Variants in HACE1 observed in about 807,000 individuals in gnomAD.
The protein encoded by HACE1 is E3 ubiquitin-protein ligase HACE1.
Under a neutral mutation model 118.4 loss-of-function variants are expected in HACE1, and 73 were observed. The observed-to-expected ratio is 0.62, with a 90% CI of 0.51 to 0.75. The LOEUF is 0.75. HACE1 is among the 30% of genes least tolerant of loss of function. The probability of loss-of-function intolerance (pLI) is 0.00; values close to 1 mark genes in which losing one functional copy is unlikely to be tolerated. For synonymous variants in HACE1, 368 were observed against 374.8 expected (o/e 0.98, Z 0.21); for missense variants, 749 against 1,102.2 (o/e 0.68, Z 4.54).
At chr6:104,802,964 T>C (rs925867386) in intron 7 of HACE1, among the ~76,000 whole-genome samples, 1 of 152,136 alleles carries the variant, frequency 6.6e-6, no homozygotes, top group African/African-American at 2.4e-5. Context: ...GCTACACTGC[T>C]AGCAAGACTA....
chr6:104,820,885 A>G (rs1196153881), intron 6 of HACE1, among the ~76,000 whole-genome samples: 1 of 152,222 alleles, frequency 6.6e-6, no homozygotes, highest in Admixed American at 6.5e-5. Flanking sequence ...AGATACATGC[A>G]CACATATGTT....
At position 104,776,820 on chromosome 6, in the gene HACE1, A is replaced by C. The variant is rs760888256; in HGVS notation, c.1785T>G (p.Gly595=). Reference sequence around the variant, plus strand: ...GAATATCAAACCACTCACGCACAACACCTTGACCCTGAATTCAAGAAATAA... The same window carrying C: ...GAATATCAAACCACTCACGCACAACCCCTTGACCCTGAATTCAAGAAATAA... ...RFHGEEGMGQ[G]VVREWFDILS... Residue 595 remains glycine (G), a synonymous_variant, in exon 17 of 24, where the codon GGT becomes GGG. Coordinates refer to ENST00000262903, the MANE Select transcript of HACE1 (RefSeq NM_020771.4). The C allele has an allele frequency of 5.0e-6, 8 of 1,602,150 alleles. No homozygotes were observed. Among genetic ancestry groups the C allele is most frequent in the Non-Finnish European group, 6.8e-6 (8 of 1,169,156 alleles).
intron 4 of HACE1, among the ~76,000 whole-genome samples, chr6:104,846,803 T>C (rs571754383): frequency 4.5e-4 from 68 of 152,276 alleles, no homozygotes; most frequent in Admixed American, 3.1e-3. Flanking sequence ...AGTACTCAAG[T>C]CACTTAGCAA....
chr6:104,767,775 T>A (rs999347623), intron 19 of HACE1, among the ~76,000 whole-genome samples: 4 of 152,186 alleles, frequency 2.6e-5, no homozygotes, highest in African/African-American at 9.7e-5. Context: ...TGCCTTCCTG[T>A]AAGCCCAGAA....
intron 17 of HACE1, 35 bp from the exon 18 acceptor site, chr6:104,772,109 GA>G: frequency 8.6e-7 from 1 of 1,162,318 alleles, no homozygotes; most frequent in South Asian, 1.3e-5. Context: ...ATATTATTAA[GA>G]ATCTATATGC....
chr6:104,847,718 G>T (rs1775793535), intron 4 of HACE1, among the ~76,000 whole-genome samples: 2 of 151,960 alleles, frequency 1.3e-5, no homozygotes, highest in Non-Finnish European at 2.9e-5. Flanking sequence ...TAGAAGCACA[G>T]TTGAGAATAG....
chr6:104,809,546 T>G (rs920852314), intron 7 of HACE1, among the ~76,000 whole-genome samples: 1 of 152,014 alleles, frequency 6.6e-6, no homozygotes, highest in African/African-American at 2.4e-5. Context: ...AGTGAAATCA[T>G]GGAGGTCTCA....
intron 19 of HACE1, among the ~76,000 whole-genome samples, chr6:104,755,378 G>C (rs1490182867): frequency 6.6e-6 from 1 of 152,134 alleles, no homozygotes; most frequent in African/African-American, 2.4e-5. Context: ...CATCAAGACA[G>C]AAATTTAACA....
At chr6:104,856,033 TAGA>T (rs1776685677) in intron 1 of HACE1, among the ~76,000 whole-genome samples, 2 of 152,212 alleles carry the variant, frequency 1.3e-5, no homozygotes, top group Admixed American at 6.5e-5. Flanking sequence ...ACTGTGGTGC[TAGA>T]AGAAGACTAT....
At chr6:104,850,158 G>A (rs1010551116) in intron 3 of HACE1, among the ~76,000 whole-genome samples, 3 of 151,268 alleles carry the variant, frequency 2.0e-5, no homozygotes, top group East Asian at 2.0e-4. Flanking sequence ...CCATGTTGGC[G>A]AGGCTGGTCT....
At chr6:104,852,638 A>AG (rs1776358937) in intron 1 of HACE1, among the ~76,000 whole-genome samples, 1 of 152,194 alleles carries the variant, frequency 6.6e-6, no homozygotes, top group African/African-American at 2.4e-5. Flanking sequence ...ATTCTTCAGA[A>AG]GGTTTTGTCC....
At position 104,859,859 on chromosome 6, in the gene HACE1, C is replaced by T. The variant is rs1777149834; in HGVS notation, c.-217G>A. ...ACCTACAGTACACCCGCCGCCGCCT[C>T]TGCTCGCGCCTTTCCTGCAGCCCCC... On this transcript the variant is annotated 5_prime_UTR_variant, in exon 1 of 24. Coordinates refer to ENST00000262903, the MANE Select transcript of HACE1 (RefSeq NM_020771.4). The T allele has an allele frequency of 2.0e-6, 1 of 501,034 alleles. No individual in the cohort carries two copies. Among genetic ancestry groups the T allele is most frequent in the South Asian group, 2.6e-5 (1 of 38,218 alleles). The allele number at this position is 501,034 out of a possible 1,614,324, so 31.0% of individuals were successfully genotyped here. A position where few individuals can be genotyped will look rare whatever the true frequency, so the allele number is the denominator to read the frequency against.
chr6:104,783,594 T>A (rs1781988394), intron 14 of HACE1, among the ~76,000 whole-genome samples: 1 of 152,166 alleles, frequency 6.6e-6, no homozygotes, highest in Non-Finnish European at 1.5e-5. Flanking sequence ...TCCAGCTAGC[T>A]TCATGTAACA....
intron 6 of HACE1, among the ~76,000 whole-genome samples, chr6:104,811,931 G>A (rs1245115710): frequency 6.6e-6 from 1 of 151,964 alleles, no homozygotes; most frequent in Non-Finnish European, 1.5e-5. Flanking sequence ...AAAAAGCTAA[G>A]AAGCCCTTTT....
At chr6:104,823,839 C>T (rs1322367184) in intron 6 of HACE1, among the ~76,000 whole-genome samples, 4 of 151,714 alleles carry the variant, frequency 2.6e-5, no homozygotes, top group African/African-American at 9.7e-5. Flanking sequence ...ATGCAGAATT[C>T]AGTCAATTAT....
chr6:104,791,714 A>G (rs1025681837), intron 10 of HACE1, 60 bp from the exon 11 acceptor site: 2 of 1,077,774 alleles, frequency 1.9e-6, no homozygotes, highest in Non-Finnish European at 2.8e-6. Context: ...TAAAATACTT[A>G]TTTTAAAACA....
intron 6 of HACE1, among the ~76,000 whole-genome samples, chr6:104,817,017 T>A (rs1318404916): frequency 2.6e-5 from 4 of 152,222 alleles, no homozygotes. Flanking sequence ...TCAATGCCTG[T>A]ACCCCCACTG....
intron 5 of HACE1, among the ~76,000 whole-genome samples, chr6:104,840,705 T>G (rs1305376011): frequency 1.3e-5 from 2 of 152,130 alleles, no homozygotes; most frequent in Non-Finnish European, 2.9e-5. Context: ...GGCTCACACC[T>G]GTAATCCCAG....
chr6:104,750,775 T>A (rs1777955879), intron 19 of HACE1, among the ~76,000 whole-genome samples: 1 of 152,180 alleles, frequency 6.6e-6, no homozygotes, highest in Admixed American at 6.5e-5. Flanking sequence ...GTCCAAGCTA[T>A]CATCACTTCT....
Sources: gnomAD v4.1 joint callset for allele counts (sites outside exome capture counted in the v4.1 genomes callset) on GRCh38, gnomAD v4.1.1 for gene constraint, MANE v1.5 for transcripts, NCBI Gene and HGNC (gene_info 2026-07-23, HGNC 2026-07-21) for gene names.